The following GGTA1 variants were observed in gnomAD, a reference collection of about 807,000 sequenced individuals.
GGTA1 encodes glycoprotein alpha-galactosyltransferase 1 (inactive).
A neutral mutation model predicts 2.6 loss-of-function variants in GGTA1; 5 were observed. The ratio of observed to expected loss-of-function variants is 1.92; its 90% CI spans 1.00 to 4.04. The LOEUF (loss-of-function observed/expected upper bound fraction) is 4.04, where lower values mean the gene tolerates loss of function less well. Ranked by LOEUF, GGTA1 falls within the 30% of genes most tolerant of loss-of-function variation. The pLI is 0.00. For missense variants in GGTA1, 50 were observed against 16.7 expected (o/e 2.99, Z -3.47); for synonymous variants, 17 against 5.0 (o/e 3.38, Z -3.19).
At chr9:121,458,496 G>A (rs1299622354) in intron 5 of GGTA1, among the ~76,000 whole-genome samples, 6 of 151,776 alleles carry the variant, frequency 4.0e-5, no homozygotes, top group East Asian at 3.9e-4. Context: ...GCGTGGTGGC[G>A]CATGCCTGTA....
At position 121,455,671 on chromosome 9, in the gene GGTA1, G is replaced by A. The variant is rs1210960331; in HGVS notation, c.*166C>T. 2 of 309,510 alleles carry A rather than the reference G, an allele frequency of 6.5e-6. No homozygotes were observed. Among genetic ancestry groups the A allele is most frequent in the Admixed American group, 7.6e-5 (2 of 26,440 alleles). 19.2% of individuals were successfully genotyped at this position (309,510 alleles called of 1,614,324 possible). ...GCTCTATACCAGGTCATCCTGCTAA[G>A]CGCTGAGATGGGAGAAATGAGACCC... On this transcript the variant is annotated 3_prime_UTR_variant, in exon 6 of 6. Coordinates refer to ENST00000481799, the MANE Select transcript of GGTA1 (RefSeq NM_001382585.1).
At chr9:121,474,117 A>G (rs568532803) in intron 1 of GGTA1, among the ~76,000 whole-genome samples, 1 of 152,262 alleles carries the variant, frequency 6.6e-6, no homozygotes, top group African/African-American at 2.4e-5. Flanking sequence ...AAGTATTAAC[A>G]CCCTGTCTTA....
Position 121,484,908 on chromosome 9 carries a change from G to A in GGTA1, c.-10+14742C>T, listed in dbSNP as rs530829140. ...CCTCTAATGAGCCTCCCCAGAAGCCGTCTGGCTTGGAAAAGCTCAAACACA... is the reference window on the plus strand; with the variant it reads ...CCTCTAATGAGCCTCCCCAGAAGCCATCTGGCTTGGAAAAGCTCAAACACA... On this transcript the variant is annotated intron_variant, in intron 1 of 5. Transcript: ENST00000481799. Among the ~76,000 whole-genome samples the A allele has an allele frequency of 1.4e-4, 21 of 152,268 alleles. No homozygotes were observed. The South Asian group carries it at 2.9e-3, about 21-fold the overall frequency.
In GGTA1 at chr9:121,464,418, C is replaced by A. The variant is rs2064987290; in HGVS notation, c.81-1090G>T. Reference sequence around the variant, plus strand: ...CTTGGCTCACAGCAACCTCTGCCTCCTGGGTTCAAGCAATTCTCCTGCCTA... The same window carrying A: ...CTTGGCTCACAGCAACCTCTGCCTCATGGGTTCAAGCAATTCTCCTGCCTA... On this transcript the variant is annotated intron_variant, in intron 2 of 5. Coordinates refer to ENST00000481799, the MANE Select transcript of GGTA1 (RefSeq NM_001382585.1). Among the ~76,000 whole-genome samples, 4 of 149,376 alleles carry A rather than the reference C, an allele frequency of 2.7e-5. No homozygotes were observed. In the Admixed American group the frequency reaches 2.7e-4, roughly 10 times the overall value.
chr9:121,481,030 G>A (rs1233295464), intron 1 of GGTA1, among the ~76,000 whole-genome samples: 1 of 151,768 alleles, frequency 6.6e-6, no homozygotes, highest in African/African-American at 2.4e-5. Context: ...GCAGGCACCT[G>A]TAGTCCCAGC....
intron 1 of GGTA1, among the ~76,000 whole-genome samples, chr9:121,470,741 T>C (rs1828370569): frequency 2.6e-5 from 4 of 152,232 alleles, no homozygotes; most frequent in Admixed American, 2.6e-4. Flanking sequence ...ATAATAGCCC[T>C]TCCCAAAAGC....
intron 1 of GGTA1, among the ~76,000 whole-genome samples, chr9:121,492,773 C>A (rs1251980453): frequency 6.6e-6 from 1 of 152,030 alleles, no homozygotes; most frequent in Non-Finnish European, 1.5e-5. Flanking sequence ...CGCGCCCGGT[C>A]GAGTTCAGGG....
chr9:121,463,929 C>A (rs576580443), intron 2 of GGTA1, among the ~76,000 whole-genome samples: 2 of 152,242 alleles, frequency 1.3e-5, no homozygotes, highest in Non-Finnish European at 2.9e-5. Flanking sequence ...TATAGAACAG[C>A]CCCCAAAAGC....
downstream of GGTA1, among the ~76,000 whole-genome samples, chr9:121,450,710 G>A (rs1474217212): frequency 6.6e-6 from 1 of 152,142 alleles, no homozygotes; most frequent in Non-Finnish European, 1.5e-5. Context: ...TGAGCTGGGT[G>A]GTTCACCTAA....
chr9:121,469,110 C>T (rs945662963), intron 1 of GGTA1, among the ~76,000 whole-genome samples: 5 of 152,072 alleles, frequency 3.3e-5, no homozygotes, highest in South Asian at 2.1e-4. Context: ...CTGATCGCTG[C>T]GTGAAACTGC....
intron 1 of GGTA1, among the ~76,000 whole-genome samples, chr9:121,498,280 T>G (rs1050319713): frequency 2.0e-5 from 3 of 152,234 alleles, no homozygotes; most frequent in South Asian, 2.1e-4. Context: ...CTCGTTCAGC[T>G]CTGCCTTATT....
At chr9:121,477,923 A>G (rs1298666027) in intron 1 of GGTA1, among the ~76,000 whole-genome samples, 1 of 151,962 alleles carries the variant, frequency 6.6e-6, no homozygotes, top group Non-Finnish European at 1.5e-5. Flanking sequence ...ATCAGCTTCA[A>G]ACCCTGCAAC....
intron 4 of GGTA1, 26 bp from the exon 5 acceptor site, chr9:121,460,245 G>A (rs1284067121): frequency 2.2e-6 from 1 of 457,058 alleles, no homozygotes; most frequent in Admixed American, 2.4e-5. Flanking sequence ...AAGTAAACCA[G>A]GTAAGGCAGG....
chr9:121,498,662 A>G (rs897379547), intron 1 of GGTA1, among the ~76,000 whole-genome samples: 5 of 152,230 alleles, frequency 3.3e-5, no homozygotes, highest in Admixed American at 6.5e-5. Flanking sequence ...GTTTCCAGGT[A>G]AAGGAAGGAG....
chr9:121,480,860 A>G (rs1737842351), intron 1 of GGTA1, among the ~76,000 whole-genome samples: 1 of 152,152 alleles, frequency 6.6e-6, no homozygotes, highest in Non-Finnish European at 1.5e-5. Context: ...AGGCATTAGA[A>G]TATTCATAGT....
downstream of GGTA1, among the ~76,000 whole-genome samples, chr9:121,451,224 A>G (rs1056303408): frequency 2.0e-5 from 3 of 152,182 alleles, no homozygotes; most frequent in Non-Finnish European, 2.9e-5. Flanking sequence ...TTTGAGACAG[A>G]GTCTGCTCTG....
intron 1 of GGTA1, among the ~76,000 whole-genome samples, chr9:121,483,288 T>C (rs1042438649): frequency 6.6e-6 from 1 of 152,208 alleles, no homozygotes; most frequent in Non-Finnish European, 1.5e-5. Context: ...GAGCCAATGC[T>C]GTTCTTCCTA....
chr9:121,495,175 C>T (rs1213100670), intron 1 of GGTA1, among the ~76,000 whole-genome samples: 3 of 152,142 alleles, frequency 2.0e-5, no homozygotes, highest in East Asian at 2.0e-4. Flanking sequence ...CCACCTTGGC[C>T]TCCCCAAGTT....
intron 5 of GGTA1, among the ~76,000 whole-genome samples, chr9:121,456,088 AC>A (rs758876405): frequency 2.5e-4 from 38 of 151,536 alleles, no homozygotes; most frequent in Non-Finnish European, 3.7e-4. Flanking sequence ...AACCCACAAA[AC>A]CCCCCAAAAA....
Sources: allele counts gnomAD v4.1 joint callset (sites outside exome capture counted in the v4.1 genomes callset), GRCh38; gene constraint gnomAD v4.1.1; transcripts MANE v1.5; gene names NCBI Gene and HGNC (gene_info 2026-07-23, HGNC 2026-07-21).